LIPT1: variants seen among roughly 807,000 people sequenced by gnomAD.
LIPT1 encodes the protein lipoyl amidotransferase LIPT1, mitochondrial.
In LIPT1, 22 loss-of-function variants were observed where a neutral mutation model predicts 25.1. That is an observed-to-expected ratio of 0.88 (90% confidence interval 0.63 to 1.25). The LOEUF (loss-of-function observed/expected upper bound fraction) is 1.25, where lower values mean the gene tolerates loss of function less well. Ranked by LOEUF, LIPT1 falls within the 50% of genes most tolerant of loss-of-function variation. The probability of loss-of-function intolerance (pLI) is 0.00; values close to 1 mark genes in which losing one functional copy is unlikely to be tolerated. For missense variants in LIPT1, 399 were observed against 432.8 expected (o/e 0.92, Z 0.69); for synonymous variants, 131 against 150.8 (o/e 0.87, Z 0.96).
At chr2:99,159,667 T>C (rs1225637722) in intron 1 of LIPT1, among the ~76,000 whole-genome samples, 1 of 152,206 alleles carries the variant, frequency 6.6e-6, no homozygotes, top group African/African-American at 2.4e-5. Flanking sequence ...TATTACCTTG[T>C]ACCTAGTAGG....
intron 1 of LIPT1, 139 bp downstream of exon 1, chr2:99,155,190 G>C (rs1437802246): frequency 2.5e-6 from 1 of 401,346 alleles, no homozygotes; most frequent in African/African-American, 2.1e-5. Context: ...GAAGCCTCTT[G>C]TGTGCACACT....
intron 1 of LIPT1, chr2:99,156,498 A>C (rs1462208753): frequency 6.6e-6 from 1 of 152,206 alleles, no homozygotes; most frequent in Non-Finnish European, 1.5e-5. Context: ...TCCTGACCTC[A>C]GGTGATCTGT....
At position 99,162,223 on chromosome 2, in the gene LIPT1, TG is replaced by T. The variant is rs1487176696; in HGVS notation, c.267del (p.Met89IlefsTer6). ...TGGCAGGAATGTAACCTGAATCTAA[TG>T]AGAGAAGAAGGTATAAAACTGGCTC... ...NPWQECNLNL[M>X]REEGIKLARR... On this transcript the variant is annotated frameshift_variant, in exon 2 of 2. Transcript: ENST00000651691. LOFTEE classifies it high-confidence loss of function. 6.2e-7 allele frequency: 1 copy of T among 1,613,972 alleles called. No homozygotes were observed. Among genetic ancestry groups the T allele is most frequent in the African/African-American group, 1.3e-5 (1 of 75,024 alleles).
In LIPT1 at chr2:99,162,506, T is replaced by C. The variant is rs1344477775; in HGVS notation, c.549T>C (p.Ser183=). Residue 183 remains serine, a synonymous_variant, in exon 2 of 2, where the codon AGT becomes AGC. Transcript: ENST00000651691. ...TAYHHCTLLC[S]TDGTFLSSLL... ...ATCACCATTGCACTTTATTATGTAG[T>C]ACTGATGGGACGTTCTTGTCTTCTT... The C allele has an allele frequency of 6.2e-7, 1 of 1,614,170 alleles. No individual in the cohort carries two copies.
intron 1 of LIPT1, chr2:99,161,309 T>G (rs1179501602): frequency 1.5e-5 from 1 of 64,622 alleles, no homozygotes; most frequent in Non-Finnish European, 2.9e-5. Context: ...TATATATATA[T>G]ATATATATAT....
chr2:99,155,988 T>C (rs1186395166), intron 1 of LIPT1, among the ~76,000 whole-genome samples: 1 of 151,548 alleles, frequency 6.6e-6, no homozygotes, highest in Non-Finnish European at 1.5e-5. Context: ...ATCTGATAGA[T>C]GGTCTATAGT....
chr2:99,161,887 ATAGT>A, intron 1 of LIPT1, 66 bp from the exon 2 acceptor site: 1 of 1,335,502 alleles, frequency 7.5e-7, no homozygotes. Context: ...CCGATAATTG[ATAGT>A]TAGAAAATAG....
rs760931619 is a variant in LIPT1 at position 99,162,327 on chromosome 2, T to C, written c.370T>C (p.Tyr124His). ...GACTTTCTTTACAACCAAAAAAAAG[T>C]ATGATAGAATGGAAAATCTGAAATT... is the stretch of plus-strand genomic sequence containing the variant. ...NLTFFTTKKK[Y>H]DRMENLKLIV... Residue 124 changes from tyrosine to histidine, a missense_variant, in exon 2 of 2, where the codon TAT becomes CAT. Physicochemically the swap from Tyr to His is moderately conservative, Grantham distance 83. Coordinates refer to ENST00000651691, the MANE Select transcript of LIPT1 (RefSeq NM_145199.3). 3 of 1,613,118 alleles carry C rather than the reference T, an allele frequency of 1.9e-6. No homozygotes were observed. The Admixed American group carries it at 5.0e-5, about 27-fold the overall frequency.
At position 99,162,149 on chromosome 2, in the gene LIPT1, C is replaced by T; in HGVS notation, c.192C>T (p.Phe64=). 9 of 1,613,966 alleles carry T rather than the reference C, an allele frequency of 5.6e-6. No individual in the cohort carries two copies. Among genetic ancestry groups the T allele is most frequent in the Non-Finnish European group, 7.6e-6 (9 of 1,179,926 alleles). ...HMNLEGKPIL[F]FWQNSPSVVI... ...ATCTAGAAGGCAAACCAATTCTATT[C>T]TTTTGGCAGAATTCTCCCTCTGTTG... The change falls in exon 2 of 2, where the codon TTC becomes TTT. Residue 64 remains phenylalanine (F), a synonymous_variant. Transcript: ENST00000651691.
rs1272547378 is a variant in LIPT1 at position 99,155,064 on chromosome 2, G to C, written c.-2+13G>C. On this transcript the variant is annotated intron_variant, in intron 1 of 1. Transcript: ENST00000651691. ...CCGGAAGCCGCAGGTGGGTGAAGCG[G>C]AAACGCTTCAAACCGGGATGTTGCG... 2 of 455,522 alleles carry C rather than the reference G, an allele frequency of 4.4e-6. No homozygotes were observed. Among genetic ancestry groups the C allele is most frequent in the East Asian group, 6.9e-5 (1 of 14,394 alleles). 28.2% of individuals were successfully genotyped at this position (455,522 alleles called of 1,614,324 possible). A position where few individuals can be genotyped will look rare whatever the true frequency, so the allele number is the denominator to read the frequency against.
chr2:99,162,464 C>T lies in LIPT1; in HGVS notation c.507C>T (p.Ile169=), dbSNP rs1000186375. ...QFKISGTASK[I]GRTTAYHHCT... is the part of the protein sequence containing the mutation. ...AAATCTCAGGAACAGCTTCTAAGAT[C>T]GGCCGGACTACTGCCTATCACCATT... Residue 169 remains isoleucine, a synonymous_variant, in exon 2 of 2, where the codon ATC becomes ATT. Coordinates refer to ENST00000651691, the MANE Select transcript of LIPT1 (RefSeq NM_145199.3). The T allele has an allele frequency of 6.2e-6, 10 of 1,613,896 alleles. No homozygotes were observed. The highest frequency in any genetic ancestry group is 5.3e-5 in the African/African-American group (4 of 74,938).
intron 1 of LIPT1, among the ~76,000 whole-genome samples, chr2:99,159,049 C>T (rs1446853220): frequency 1.3e-5 from 2 of 152,224 alleles, no homozygotes; most frequent in African/African-American, 2.4e-5. Context: ...CTGCCTCAGC[C>T]TCCAGAGCTG....
At position 99,162,535 on chromosome 2, in the gene LIPT1, T is replaced by TA. The variant is rs1336859354; in HGVS notation, c.581dup (p.Ser195GlufsTer13). The TA allele has an allele frequency of 6.2e-7, 1 of 1,614,184 alleles. No individual in the cohort carries two copies. The highest frequency in any genetic ancestry group is 2.2e-5 in the East Asian group (1 of 44,880). ...GATGGGACGTTCTTGTCTTCTTTGCTAAAGAGCCCTTACCAAGGGATCAGG... is the reference window on the plus strand; with the variant it reads ...GATGGGACGTTCTTGTCTTCTTTGCTAAAAGAGCCCTTACCAAGGGATCAGG... On this transcript the variant is annotated frameshift_variant, in exon 2 of 2. Transcript: ENST00000651691. LOFTEE classifies it high-confidence loss of function.
Position 99,156,225 on chromosome 2 carries a change from T to TA in LIPT1, c.-2+1178dup, listed in dbSNP as rs1342221211. 3 of 152,198 alleles carry TA rather than the reference T, an allele frequency of 2.0e-5. No homozygotes were observed. In the East Asian group the frequency reaches 5.8e-4, roughly 29 times the overall value. 9.4% of individuals were successfully genotyped at this position (152,198 alleles called of 1,614,324 possible). ...TGAGGCTTAGCCTAACAACCCTATT[T>TA]AAAATTGCAATGTAAGTTTTCTCAC... is the stretch of plus-strand genomic sequence containing the variant. On this transcript the variant is annotated intron_variant, in intron 1 of 1. Transcript: ENST00000651691.
chr2:99,161,103 A>G (rs984169497), intron 1 of LIPT1, among the ~76,000 whole-genome samples: 1 of 151,106 alleles, frequency 6.6e-6, no homozygotes, highest in African/African-American at 2.4e-5. Flanking sequence ...CATGCCTACT[A>G]AAAATACAAA....
Position 99,162,470 on chromosome 2 carries a change from G to A in LIPT1, c.513G>A (p.Arg171=), listed in dbSNP as rs751485213. 3 of 1,614,058 alleles carry A rather than the reference G, an allele frequency of 1.9e-6. No individual in the cohort carries two copies. ...KISGTASKIG[R]TTAYHHCTLL... ...CAGGAACAGCTTCTAAGATCGGCCG[G>A]ACTACTGCCTATCACCATTGCACTT... The change falls in exon 2 of 2, where the codon CGG becomes CGA. Residue 171 remains arginine, a synonymous_variant. Transcript: ENST00000651691.
chr2:99,158,173 G>T (rs1026697867), intron 1 of LIPT1, among the ~76,000 whole-genome samples: 2 of 152,118 alleles, frequency 1.3e-5, no homozygotes, highest in Non-Finnish European at 2.9e-5. Context: ...ATTTGAATGA[G>T]GGCACTCTGG....
At chr2:99,157,061 A>T (rs2093760952) in intron 1 of LIPT1, among the ~76,000 whole-genome samples, 1 of 152,238 alleles carries the variant, frequency 6.6e-6, no homozygotes, top group Non-Finnish European at 1.5e-5. Flanking sequence ...GTCTGAGGCC[A>T]CTGAAGCAGC....
intron 1 of LIPT1, chr2:99,161,457 A>ATTT (rs1478429207): frequency 6.6e-6 from 1 of 150,844 alleles, no homozygotes; most frequent in African/African-American, 2.4e-5. Context: ...CAATGCTTTT[A>ATTT]TTTTTTTCTT....
Sources: gnomAD v4.1 joint callset for allele counts (sites outside exome capture counted in the v4.1 genomes callset) on GRCh38, gnomAD v4.1.1 for gene constraint, MANE v1.5 for transcripts, NCBI Gene and HGNC (gene_info 2026-07-23, HGNC 2026-07-21) for gene names.